RAD51B: variants seen among roughly 807,000 people sequenced by gnomAD.
RAD51B encodes RAD51 paralog B, also known as DNA repair protein RAD51 homolog 2.
In RAD51B, 38 loss-of-function variants were observed where a neutral mutation model predicts 42.2. That is an observed-to-expected ratio of 0.90 (90% CI 0.70 to 1.18). The LOEUF is 1.18. RAD51B is among the 50% of genes most tolerant of loss of function. The probability of loss-of-function intolerance (pLI) is 0.00; values close to 1 mark genes in which losing one functional copy is unlikely to be tolerated. For synonymous variants in RAD51B, 154 were observed against 145.2 expected, an observed-to-expected ratio of 1.06 and a Z score of -0.43; for missense variants, 373 against 400.7, an observed-to-expected ratio of 0.93 and a Z score of 0.59.
chr14:67,862,153 A>G (rs898176102), intron 4 of RAD51B, among the ~76,000 whole-genome samples: 9 of 152,142 alleles, frequency 5.9e-5, no homozygotes, highest in Non-Finnish European at 1.0e-4. Flanking sequence ...CAAAAAAAAG[A>G]TAAGTATATG....
At chr14:68,271,457 T>C (rs2081102345) in intron 7 of RAD51B, among the ~76,000 whole-genome samples, 1 of 152,224 alleles carries the variant, frequency 6.6e-6, no homozygotes, top group Non-Finnish European at 1.5e-5. Flanking sequence ...GACTCATTTT[T>C]CTCATCTATA....
chr14:68,563,283 C>A (rs1759328830), intron 10 of RAD51B: 1 of 985,444 alleles, frequency 1.0e-6, no homozygotes, highest in Non-Finnish European at 1.2e-6. Flanking sequence ...ATGGGCCAAG[C>A]CGAGCCTGCA....
chr14:67,950,703 C>T (rs1290942290), intron 7 of RAD51B, among the ~76,000 whole-genome samples: 1 of 152,194 alleles, frequency 6.6e-6, no homozygotes, highest in Non-Finnish European at 1.5e-5. Flanking sequence ...GATACGTCTT[C>T]CTCATTAATC....
At chr14:68,039,839 A>G (rs777091673) in intron 7 of RAD51B, among the ~76,000 whole-genome samples, 4 of 152,242 alleles carry the variant, frequency 2.6e-5, no homozygotes, top group African/African-American at 4.8e-5. Flanking sequence ...ATTCAGCTGT[A>G]AAGTGTTTAG....
Position 68,177,809 on chromosome 14 carries a change from A to G in RAD51B, c.757-114075A>G, listed in dbSNP as rs550133681. On this transcript the variant is annotated intron_variant, in intron 7 of 10. Coordinates refer to ENST00000471583, the MANE Select transcript of RAD51B (RefSeq NM_133510.4). ...ACTAACGTTTTATGCTCTCTTGTCT[A>G]TTGATCATTGAGCCACTGTTGAGAT... 2.0e-5 allele frequency among the ~76,000 whole-genome samples: 3 copies of G among 152,242 alleles called. No individual in the cohort carries two copies. The South Asian group carries it at 6.2e-4, about 32-fold the overall frequency.
intron 1 of RAD51B, among the ~76,000 whole-genome samples, chr14:67,822,545 C>T (rs1008063677): frequency 1.3e-5 from 2 of 151,518 alleles, no homozygotes; most frequent in African/African-American, 2.4e-5. Flanking sequence ...GGCATGGTGT[C>T]GACCCTGTCT....
At chr14:68,624,023 G>A (rs1371270587) in intron 10 of RAD51B, among the ~76,000 whole-genome samples, 1 of 152,146 alleles carries the variant, frequency 6.6e-6, no homozygotes, top group African/African-American at 2.4e-5. Context: ...TGGTCAGGAA[G>A]GGGGCCTCTG....
At position 68,231,055 on chromosome 14, in the gene RAD51B, C is replaced by T. The variant is rs117327771; in HGVS notation, c.757-60829C>T. 6.6e-5 allele frequency among the ~76,000 whole-genome samples: 10 copies of T among 152,164 alleles called. No individual in the cohort carries two copies. The East Asian group carries it at 1.7e-3, about 26-fold the overall frequency. The stretch of plus-strand genomic sequence containing the variant: ...GGGTAACTGACCTCAAAACAAATAG[C>T]TAGAGGGATATTTCTACTTCTATCC... On this transcript the variant is annotated intron_variant, in intron 7 of 10. Coordinates refer to ENST00000471583, the MANE Select transcript of RAD51B (RefSeq NM_133510.4).
chr14:68,125,232 A>G (rs2077732064), intron 7 of RAD51B: 1 of 152,196 alleles, frequency 6.6e-6, no homozygotes, highest in Non-Finnish European at 1.5e-5. Context: ...GGAAATGCAG[A>G]ATCTAAGGGG....
At chr14:68,422,022 C>G in intron 9 of RAD51B, 1 of 1,533,714 alleles carries the variant, frequency 6.5e-7, no homozygotes, top group South Asian at 1.1e-5. Context: ...CACATAAACC[C>G]TGGAATAATT....
chr14:68,581,413 G>C (rs1397454945), intron 10 of RAD51B, among the ~76,000 whole-genome samples: 1 of 152,226 alleles, frequency 6.6e-6, no homozygotes, highest in Non-Finnish European at 1.5e-5. Flanking sequence ...TGATGCTCAG[G>C]AGGTTAGGTG....
intron 7 of RAD51B, among the ~76,000 whole-genome samples, chr14:68,196,145 T>C (rs12050420): frequency 0.73 from 109,580 of 149,806 alleles, 40,296 homozygotes; most frequent in African/African-American, 0.8. Context: ...AAGCAGAGAT[T>C]GCGCCACTGC....
chr14:67,953,499 C>T (rs2074491255), intron 7 of RAD51B, among the ~76,000 whole-genome samples: 1 of 152,008 alleles, frequency 6.6e-6, no homozygotes, highest in Non-Finnish European at 1.5e-5. Context: ...TCCATGAAGA[C>T]TTTTTAGCAA....
At chr14:68,030,515 C>T (rs2076024754) in intron 7 of RAD51B, among the ~76,000 whole-genome samples, 1 of 152,204 alleles carries the variant, frequency 6.6e-6, no homozygotes, top group Non-Finnish European at 1.5e-5. Flanking sequence ...TCTTCTGCAG[C>T]TTCCTCACCT....
At chr14:67,889,737 C>A (rs1167801947) in intron 7 of RAD51B, among the ~76,000 whole-genome samples, 1 of 151,802 alleles carries the variant, frequency 6.6e-6, no homozygotes, top group African/African-American at 2.4e-5. Flanking sequence ...AGGAATTAAT[C>A]GATATCACTT....
chr14:68,416,486 A>G (rs909355186), intron 9 of RAD51B, among the ~76,000 whole-genome samples: 29 of 152,212 alleles, frequency 1.9e-4, no homozygotes, highest in African/African-American at 6.3e-4. Flanking sequence ...TTTGAAAGAG[A>G]GAGAGAAAGC....
chr14:67,898,585 G>A (rs1450518912), intron 7 of RAD51B, among the ~76,000 whole-genome samples: 1 of 152,208 alleles, frequency 6.6e-6, no homozygotes, highest in Admixed American at 6.5e-5. Context: ...CCCATACACT[G>A]TATAAATAAA....
At chr14:67,830,339 G>T (rs1366360176) in intron 3 of RAD51B, among the ~76,000 whole-genome samples, 1 of 152,140 alleles carries the variant, frequency 6.6e-6, no homozygotes, top group East Asian at 1.9e-4. Context: ...AAAAGTGATG[G>T]TGACTTATAT....
chr14:67,996,687 G>T (rs913499554), intron 7 of RAD51B, among the ~76,000 whole-genome samples: 11 of 152,152 alleles, frequency 7.2e-5, no homozygotes, highest in African/African-American at 2.7e-4. Flanking sequence ...TGCTTATGTA[G>T]GGGTTTTGTG....
Sources: gnomAD v4.1 joint callset for allele counts (sites outside exome capture counted in the v4.1 genomes callset) on GRCh38, gnomAD v4.1.1 for gene constraint, MANE v1.5 for transcripts, NCBI Gene and HGNC (gene_info 2026-07-23, HGNC 2026-07-21) for gene names.